The following DOK6 variants were observed in gnomAD, a reference collection of about 807,000 sequenced individuals.
The protein encoded by DOK6 is docking protein 6, also known as downstream of tyrosine kinase 6.
Under a neutral mutation model 44.0 loss-of-function variants are expected in DOK6, and 22 were observed. The ratio of observed to expected loss-of-function variants is 0.50; its 90% CI spans 0.36 to 0.71. The LOEUF (loss-of-function observed/expected upper bound fraction) is 0.71. DOK6 is among the 30% of genes least tolerant of loss of function. DOK6 has a pLI of 0.00. For missense variants in DOK6, 340 were observed against 416.4 expected (o/e 0.82, Z 1.60); for synonymous variants, 166 against 145.5 (o/e 1.14, Z -1.01).
At chr18:69,737,750 C>T (rs1005132813) in intron 5 of DOK6, among the ~76,000 whole-genome samples, 1 of 152,142 alleles carries the variant, frequency 6.6e-6, no homozygotes, top group Non-Finnish European at 1.5e-5. Context: ...AGCTCTTGCG[C>T]GGGGCAGAGT....
chr18:69,446,360 T>A (rs1979291636), intron 1 of DOK6, among the ~76,000 whole-genome samples: 2 of 151,984 alleles, frequency 1.3e-5, no homozygotes, highest in South Asian at 4.2e-4. Flanking sequence ...TCCAGCTTCA[T>A]CCATGTCCCT....
chr18:69,649,588 G>A (rs1290587416), intron 3 of DOK6, among the ~76,000 whole-genome samples: 1 of 152,038 alleles, frequency 6.6e-6, no homozygotes, highest in Non-Finnish European at 1.5e-5. Flanking sequence ...TAAAGATAGT[G>A]GAGTCTTAAC....
intron 2 of DOK6, among the ~76,000 whole-genome samples, chr18:69,588,394 C>T (rs1174932523): frequency 6.6e-6 from 1 of 152,182 alleles, no homozygotes; most frequent in Non-Finnish European, 1.5e-5. Flanking sequence ...CTGTGTTCTT[C>T]CATCCTTAGG....
At chr18:69,489,927 TAA>T (rs80239525) in intron 1 of DOK6, among the ~76,000 whole-genome samples, 2 of 131,086 alleles carry the variant, frequency 1.5e-5, no homozygotes, top group Non-Finnish European at 1.7e-5. Flanking sequence ...ACAAAAATTC[TAA>T]AAAAAAAAAA....
At chr18:69,582,962 A>G (rs1226865801) in intron 2 of DOK6, among the ~76,000 whole-genome samples, 1 of 152,166 alleles carries the variant, frequency 6.6e-6, no homozygotes, top group East Asian at 1.9e-4. Flanking sequence ...CATTTCTCCT[A>G]GTGATAGAAA....
intron 1 of DOK6, among the ~76,000 whole-genome samples, chr18:69,407,496 A>G (rs1047535618): frequency 6.6e-6 from 1 of 152,212 alleles, no homozygotes. Context: ...AAGGTCTTGT[A>G]ACTTTGTCCA....
At chr18:69,647,990 T>C (rs1985127384) in intron 3 of DOK6, among the ~76,000 whole-genome samples, 1 of 152,208 alleles carries the variant, frequency 6.6e-6, no homozygotes, top group Non-Finnish European at 1.5e-5. Context: ...CATACTGCTT[T>C]ATTTTAGGAC....
At chr18:69,654,626 T>A (rs1985315808) in intron 3 of DOK6, among the ~76,000 whole-genome samples, 1 of 152,234 alleles carries the variant, frequency 6.6e-6, no homozygotes, top group African/African-American at 2.4e-5. Context: ...CTCTTATGAA[T>A]ATCATATCCC....
intron 6 of DOK6, among the ~76,000 whole-genome samples, chr18:69,747,233 C>G (rs1018645175): frequency 1.3e-5 from 2 of 152,136 alleles, no homozygotes; most frequent in African/African-American, 4.8e-5. Flanking sequence ...ATAGATTTGT[C>G]TCAACTGCTA....
intron 1 of DOK6, among the ~76,000 whole-genome samples, chr18:69,436,323 C>G (rs11877872): frequency 0.062 from 9,379 of 152,132 alleles, 306 homozygotes; most frequent in Middle Eastern, 0.12. Context: ...CCCCTTGCCC[C>G]CTACCCGCTG....
rs1982272063 is a variant in DOK6 at position 69,843,152 on chromosome 18, G to GT, written c.*1770dup. The GT allele has an allele frequency of 6.6e-6, 1 of 152,152 alleles. No homozygotes were observed. Among genetic ancestry groups the GT allele is most frequent in the South Asian group, 2.1e-4 (1 of 4,832 alleles). 9.4% of individuals were successfully genotyped at this position (152,152 alleles called of 1,614,324 possible). ...TGAAAACCCCATCAAGATACTAATC[G>GT]TAAGAGTTAATGTGGCTGCAAAAAA... On this transcript the variant is annotated 3_prime_UTR_variant, in exon 8 of 8. Coordinates refer to ENST00000382713, the MANE Select transcript of DOK6 (RefSeq NM_152721.6).
intron 5 of DOK6, among the ~76,000 whole-genome samples, chr18:69,735,100 A>G (rs911267800): frequency 3.3e-5 from 5 of 152,166 alleles, no homozygotes; most frequent in Non-Finnish European, 7.4e-5. Flanking sequence ...ATACATCCAC[A>G]TGATCCCTGG....
intron 5 of DOK6, among the ~76,000 whole-genome samples, chr18:69,704,518 G>T (rs1210071361): frequency 7.8e-6 from 1 of 128,052 alleles, no homozygotes; most frequent in African/African-American, 3.0e-5. Context: ...TTGCTCTGTC[G>T]CCCAGGCTGG....
chr18:69,789,669 A>G (rs1190475203), intron 7 of DOK6, among the ~76,000 whole-genome samples: 3 of 152,156 alleles, frequency 2.0e-5, no homozygotes, highest in African/African-American at 7.2e-5. Context: ...TCTTGGCAGT[A>G]TTTCTTTTGC....
At chr18:69,672,564 G>C (rs1599255632) in intron 3 of DOK6, among the ~76,000 whole-genome samples, 1 of 151,972 alleles carries the variant, frequency 6.6e-6, no homozygotes, top group Admixed American at 6.6e-5. Flanking sequence ...CGCCATGTTG[G>C]CCGGGCTGGT....
chr18:69,717,153 G>A (rs1376640684), intron 5 of DOK6, among the ~76,000 whole-genome samples: 2 of 152,150 alleles, frequency 1.3e-5, no homozygotes, highest in African/African-American at 4.8e-5. Flanking sequence ...CACCCTTCCT[G>A]CAGCACAGGT....
intron 1 of DOK6, among the ~76,000 whole-genome samples, chr18:69,412,735 A>G (rs113382464): frequency 2.6e-5 from 4 of 152,284 alleles, no homozygotes; most frequent in African/African-American, 7.2e-5. Flanking sequence ...TCTCTTTCCC[A>G]TATTTGGAAA....
intron 7 of DOK6, among the ~76,000 whole-genome samples, chr18:69,810,009 G>T (rs1981175010): frequency 6.6e-6 from 1 of 151,898 alleles, no homozygotes; most frequent in African/African-American, 2.4e-5. Flanking sequence ...AATCACAAAA[G>T]ATCCTGAATA....
At chr18:69,467,688 G>A (rs149473556) in intron 1 of DOK6, among the ~76,000 whole-genome samples, 67 of 152,164 alleles carry the variant, frequency 4.4e-4, no homozygotes, top group Admixed American at 1.1e-3. Flanking sequence ...GAAAAAATCG[G>A]TGCTTTTTAG....
Sources: gnomAD v4.1 joint callset for allele counts (sites outside exome capture counted in the v4.1 genomes callset) on GRCh38, gnomAD v4.1.1 for gene constraint, MANE v1.5 for transcripts, NCBI Gene and HGNC (gene_info 2026-07-23, HGNC 2026-07-21) for gene names.